The following RBL1 variants were observed in gnomAD, a reference collection of about 807,000 sequenced individuals.
RBL1 encodes the protein retinoblastoma-like protein 1.
A neutral mutation model predicts 123.0 loss-of-function variants in RBL1; 82 were observed. The observed-to-expected ratio is 0.67, with a 90% confidence interval of 0.56 to 0.80. RBL1 has a LOEUF of 0.80. RBL1 is among the 30% of genes least tolerant of loss of function. The probability of loss-of-function intolerance (pLI) is 0.00; values close to 1 mark genes in which losing one functional copy is unlikely to be tolerated. For missense variants in RBL1, 1,171 were observed against 1,299.6 expected, an observed-to-expected ratio of 0.90 and a Z score of 1.52; for synonymous variants, 405 against 441.3, an observed-to-expected ratio of 0.92 and a Z score of 1.03.
intron 16 of RBL1, among the ~76,000 whole-genome samples, chr20:37,031,741 A>AC (rs994920846): frequency 2.0e-5 from 3 of 151,040 alleles, no homozygotes; most frequent in Non-Finnish European, 3.0e-5. Flanking sequence ...ATTTGTTGCT[A>AC]TTTTTTTTTC....
intron 2 of RBL1, chr20:37,082,102 C>CTCTACTAGTGAGTTG (rs2065461780): frequency 2.3e-6 from 1 of 443,818 alleles, no homozygotes; most frequent in Non-Finnish European, 4.5e-6. Flanking sequence ...CATAAGGTTT[C>CTCTACTAGTGAGTTG]TCCCTCACTA....
chr20:37,044,413 C>CAGG (rs2064783990), intron 12 of RBL1, among the ~76,000 whole-genome samples, 163 bp from the exon 13 acceptor site: 2 of 152,130 alleles, frequency 1.3e-5, no homozygotes, highest in Non-Finnish European at 2.9e-5. Flanking sequence ...TCTTGGCTCA[C>CAGG]TGCAACCTCT....
chr20:37,069,930 G>A (rs1322013530), intron 2 of RBL1, among the ~76,000 whole-genome samples: 1 of 152,136 alleles, frequency 6.6e-6, no homozygotes, highest in Non-Finnish European at 1.5e-5. Context: ...TGGGAAGTGA[G>A]GAGCCCCTCT....
intron 2 of RBL1, among the ~76,000 whole-genome samples, chr20:37,072,706 G>A (rs1453119744): frequency 6.6e-6 from 1 of 152,152 alleles, no homozygotes; most frequent in Non-Finnish European, 1.5e-5. Context: ...GTGCAGAGAA[G>A]TGAAGAAGTG....
chr20:37,000,470 G>C (rs1285462847), intron 21 of RBL1, among the ~76,000 whole-genome samples: 6 of 144,360 alleles, frequency 4.2e-5, no homozygotes, highest in Non-Finnish European at 7.6e-5. Context: ...GAGGTGGGGG[G>C]GGTCAGCCCC....
chr20:37,002,336 G>GT (rs965408801), intron 21 of RBL1, among the ~76,000 whole-genome samples: 7,407 of 76,272 alleles, frequency 0.097, 1,003 homozygotes, highest in Non-Finnish European at 0.13. Context: ...AGCCTTATCT[G>GT]TTTTTTTTTT....
intron 21 of RBL1, among the ~76,000 whole-genome samples, chr20:36,999,916 C>T (rs1345246557): frequency 1.3e-5 from 2 of 150,004 alleles, no homozygotes; most frequent in Admixed American, 1.3e-4. Context: ...GCCGCCACCC[C>T]GTCTGGGAAG....
chr20:37,060,960 T>C (rs1600554265), intron 9 of RBL1, 143 bp downstream of exon 9: 1 of 934,510 alleles, frequency 1.1e-6, no homozygotes, highest in East Asian at 2.8e-5. Flanking sequence ...TTTAGGTCAA[T>C]ATATTTTGTG....
chr20:37,016,476 A>G (rs1388437227), intron 19 of RBL1, among the ~76,000 whole-genome samples: 1 of 152,214 alleles, frequency 6.6e-6, no homozygotes, highest in African/African-American at 2.4e-5. Context: ...ATGAAATCTT[A>G]AAAGTTTATA....
At chr20:37,082,498 A>ACT (rs35947185) in intron 2 of RBL1, among the ~76,000 whole-genome samples, 20,514 of 150,354 alleles carry the variant, frequency 0.14, 2,104 homozygotes, top group East Asian at 0.47. Flanking sequence ...ACACACACAC[A>ACT]CTCTCTCTCT....
At chr20:37,013,377 A>AT (rs2064196287) in intron 19 of RBL1, among the ~76,000 whole-genome samples, 1 of 151,494 alleles carries the variant, frequency 6.6e-6, no homozygotes, top group Non-Finnish European at 1.5e-5. Flanking sequence ...TGTTAAACAG[A>AT]TGCTTGAAGG....
chr20:37,033,091 C>T (rs2064541169), intron 15 of RBL1, among the ~76,000 whole-genome samples: 1 of 149,646 alleles, frequency 6.7e-6, no homozygotes, highest in South Asian at 2.1e-4. Flanking sequence ...CATCTCAGCT[C>T]ACTGTGGCCT....
At chr20:37,094,573 G>A (rs6031347) in intron 1 of RBL1, among the ~76,000 whole-genome samples, 1 of 152,152 alleles carries the variant, frequency 6.6e-6, no homozygotes, top group Admixed American at 6.6e-5. Context: ...TTGAACATGA[G>A]GCCAGTGGTG....
At chr20:37,068,410 T>C (rs1021857211) in intron 2 of RBL1, among the ~76,000 whole-genome samples, 1 of 152,110 alleles carries the variant, frequency 6.6e-6, no homozygotes, top group African/African-American at 2.4e-5. Context: ...GAGAATTGCT[T>C]GAGCCCAGGA....
intron 19 of RBL1, among the ~76,000 whole-genome samples, chr20:37,012,336 T>C (rs1216504713): frequency 6.7e-6 from 1 of 148,952 alleles, no homozygotes; most frequent in East Asian, 2.0e-4. Flanking sequence ...TCGTCTGGGA[T>C]GTGAGGAGCC....
intron 14 of RBL1, among the ~76,000 whole-genome samples, chr20:37,039,763 G>A (rs990504270): frequency 6.6e-6 from 1 of 151,862 alleles, no homozygotes; most frequent in African/African-American, 2.4e-5. Context: ...TGGGACATGA[G>A]GGGGGTCTCA....
At chr20:37,054,095 T>C (rs2146282710) in intron 11 of RBL1, among the ~76,000 whole-genome samples, 1 of 152,098 alleles carries the variant, frequency 6.6e-6, no homozygotes, top group South Asian at 2.1e-4. Flanking sequence ...GATACTGCAG[T>C]ATATAAAATT....
intron 21 of RBL1, among the ~76,000 whole-genome samples, chr20:37,001,942 A>AAAAC (rs1491299831): frequency 1.5e-5 from 2 of 135,576 alleles, no homozygotes; most frequent in African/African-American, 5.9e-5. Flanking sequence ...AAAAAAAAAA[A>AAAAC]CAAACCAAAC....
intron 2 of RBL1, among the ~76,000 whole-genome samples, chr20:37,088,627 G>A (rs1342043031): frequency 6.6e-6 from 1 of 151,802 alleles, no homozygotes; most frequent in Non-Finnish European, 1.5e-5. Context: ...GGTTGAGGTG[G>A]GTAGATCATT....
Sources: gnomAD v4.1 joint callset for allele counts (sites outside exome capture counted in the v4.1 genomes callset) on GRCh38, gnomAD v4.1.1 for gene constraint, MANE v1.5 for transcripts, NCBI Gene and HGNC (gene_info 2026-07-23, HGNC 2026-07-21) for gene names.